The following DCAF7 variants were observed in gnomAD, a reference collection of about 807,000 sequenced individuals.
DCAF7 encodes the protein DDB1- and CUL4-associated factor 7.
A neutral mutation model predicts 41.2 loss-of-function variants in DCAF7; 4 were observed. The observed-to-expected ratio is 0.10, with a 90% confidence interval of 0.05 to 0.22. The LOEUF is 0.22. DCAF7 is among the 10% of genes least tolerant of loss of function. The pLI is 1.00. For missense variants in DCAF7, 131 were observed against 443.2 expected (o/e 0.30, Z 6.32); for synonymous variants, 143 against 164.2 (o/e 0.87, Z 0.99).
chr17:63,582,050 A>AGCT (rs1199256135), intron 4 of DCAF7, among the ~76,000 whole-genome samples: 1 of 152,082 alleles, frequency 6.6e-6, no homozygotes, highest in Non-Finnish European at 1.5e-5. Flanking sequence ...GGTTACCAGG[A>AGCT]GCTGTCATTG....
intron 1 of DCAF7, among the ~76,000 whole-genome samples, chr17:63,576,061 TG>T (rs2033558705): frequency 6.6e-6 from 1 of 152,214 alleles, no homozygotes; most frequent in Non-Finnish European, 1.5e-5. Context: ...CATGGTCAAC[TG>T]ATTTTCAATA....
At chr17:63,571,095 A>G (rs2033502088) in intron 1 of DCAF7, among the ~76,000 whole-genome samples, 1 of 152,076 alleles carries the variant, frequency 6.6e-6, no homozygotes, top group African/African-American at 2.4e-5. Context: ...CTGAGGCAAG[A>G]GAATCACTTG....
At chr17:63,578,195 T>A (rs1314944114) in intron 1 of DCAF7, among the ~76,000 whole-genome samples, 2 of 151,898 alleles carry the variant, frequency 1.3e-5, no homozygotes, top group Non-Finnish European at 2.9e-5. Context: ...AGGCCTTGTC[T>A]CTACAAAAAA....
At chr17:63,585,424 G>A (rs1014416861) in intron 6 of DCAF7, 96 bp downstream of exon 6, 4 of 1,126,758 alleles carry the variant, frequency 3.6e-6, no homozygotes, top group Non-Finnish European at 5.2e-6. Flanking sequence ...TCTAAGCACA[G>A]TCTTGAGAGA....
intron 1 of DCAF7, among the ~76,000 whole-genome samples, chr17:63,572,683 C>G (rs2033519968): frequency 6.6e-6 from 1 of 152,192 alleles, no homozygotes; most frequent in Admixed American, 6.5e-5. Flanking sequence ...TGCCTGACTC[C>G]TAAGAGCTGT....
chr17:63,555,084 C>G (rs982644475), intron 1 of DCAF7, among the ~76,000 whole-genome samples: 1 of 152,214 alleles, frequency 6.6e-6, no homozygotes, highest in Non-Finnish European at 1.5e-5. Flanking sequence ...TTTGGCATTT[C>G]TCCTGTGTTT....
rs2033235442 is a variant in DCAF7 at position 63,550,489 on chromosome 17, C to T, written c.-189C>T. The T allele has an allele frequency of 3.1e-6, 3 of 954,072 alleles. 1 individual carries two copies. Among genetic ancestry groups the T allele is most frequent in the Non-Finnish European group, 4.4e-6 (3 of 676,504 alleles). The allele number at this position is 954,072 out of a possible 1,614,324, so 59.1% of individuals were successfully genotyped here. A position where few individuals can be genotyped will look rare whatever the true frequency, so the allele number is the denominator to read the frequency against. ...ACGGAAGGTGGTTGTCGTCCGTTCCCAAGCTGGTTTGAAACTAGGGGTCGG... is the reference window on the plus strand; with the variant it reads ...ACGGAAGGTGGTTGTCGTCCGTTCCTAAGCTGGTTTGAAACTAGGGGTCGG... On this transcript the variant is annotated 5_prime_UTR_variant, in exon 1 of 7. Transcript: ENST00000614556. This position sits in a 1 kb window ranked among gnomAD's most constrained non-coding sequence, Gnocchi z 4.8.
intron 3 of DCAF7, 132 bp from the exon 4 acceptor site, chr17:63,579,693 T>TA: frequency 6.4e-6 from 5 of 783,778 alleles, no homozygotes; most frequent in Non-Finnish European, 1.0e-5. Context: ...GCTCTGCCGG[T>TA]AGCCCCCACC....
At position 63,590,317 on chromosome 17, in the gene DCAF7, T is replaced by C. The variant is rs1253409482; in HGVS notation, c.*1145T>C. 1 of 152,496 alleles carries C rather than the reference T, an allele frequency of 6.6e-6. No homozygotes were observed. Among genetic ancestry groups the C allele is most frequent in the African/African-American group, 2.4e-5 (1 of 41,314 alleles). The allele number at this position is 152,496 out of a possible 1,614,324, so 9.4% of individuals were successfully genotyped here. ...TTCCAACCCTGAACAAGACCTTACATGAGAGATGGACTGATGGACTGCGGC... is the reference window on the plus strand; with the variant it reads ...TTCCAACCCTGAACAAGACCTTACACGAGAGATGGACTGATGGACTGCGGC... On this transcript the variant is annotated 3_prime_UTR_variant, in exon 7 of 7. Coordinates refer to ENST00000614556, the MANE Select transcript of DCAF7 (RefSeq NM_005828.5).
At chr17:63,586,125 C>CAAAA (rs545840925) in intron 6 of DCAF7, among the ~76,000 whole-genome samples, 5 of 58,438 alleles carry the variant, frequency 8.6e-5, no homozygotes, top group Admixed American at 2.1e-4. Flanking sequence ...ACTCTGTCTC[C>CAAAA]AAAAAAAAAA....
rs1284035990 is a variant in DCAF7 at position 63,592,411 on chromosome 17, T to TAAAAAA, written c.*3250_*3255dup. 9.6e-6 allele frequency: 1 copy of TAAAAAA among 103,654 alleles called. No homozygotes were observed. The highest frequency in any genetic ancestry group is 2.2e-5 in the Non-Finnish European group (1 of 45,836). 6.4% of individuals were successfully genotyped at this position (103,654 alleles called of 1,614,324 possible). A position where few individuals can be genotyped will look rare whatever the true frequency, so the allele number is the denominator to read the frequency against. On this transcript the variant is annotated 3_prime_UTR_variant, in exon 7 of 7. Transcript: ENST00000614556. Reference sequence around the variant, plus strand: ...CAGAGCAAGACTCCGTCTCAAAAAATAAAAAAAAAAAAAAAATAGGTGAAA... The same window carrying TAAAAAA: ...CAGAGCAAGACTCCGTCTCAAAAAATAAAAAAAAAAAAAAAAAAAAAATAGGTGAAA...
At chr17:63,569,783 G>A (rs952701063) in intron 1 of DCAF7, among the ~76,000 whole-genome samples, 13 of 152,246 alleles carry the variant, frequency 8.5e-5, no homozygotes, top group African/African-American at 3.1e-4. Flanking sequence ...TACAATCTTG[G>A]CTCACTGCAA....
Position 63,550,506 on chromosome 17 carries a change from A to AGGGGTC in DCAF7, c.-168_-163dup, listed in dbSNP as rs1267578989. 3 of 1,054,720 alleles carry AGGGGTC rather than the reference A, an allele frequency of 2.8e-6. No individual in the cohort carries two copies. In the East Asian group the frequency reaches 8.1e-5, roughly 29 times the overall value. The allele number at this position is 1,054,720 out of a possible 1,614,324, so 65.3% of individuals were successfully genotyped here. On this transcript the variant is annotated 5_prime_UTR_variant, in exon 1 of 7. Coordinates refer to ENST00000614556, the MANE Select transcript of DCAF7 (RefSeq NM_005828.5). The surrounding 1 kb of genome is among the most constrained non-coding windows in gnomAD (Gnocchi z 4.8). ...TCCGTTCCCAAGCTGGTTTGAAACT[A>AGGGGTC]GGGGTCGGGCTCGGCCGTCGTCGTT...
rs777700902 is a variant in DCAF7 at position 63,578,637 on chromosome 17, A to T, written c.297+9A>T. On this transcript the variant is annotated intron_variant, in intron 2 of 6. Coordinates refer to ENST00000614556, the MANE Select transcript of DCAF7 (RefSeq NM_005828.5). ...ATCTCCGTGTGTGGAGGGTAAGCGG[A>T]TGCTTTATTAGCAGCCAGACAAGTG... The T allele has an allele frequency of 6.2e-7, 1 of 1,613,944 alleles. No homozygotes were observed. The highest frequency in any genetic ancestry group is 1.1e-5 in the South Asian group (1 of 91,080).
intron 1 of DCAF7, among the ~76,000 whole-genome samples, chr17:63,578,005 G>C (rs1305101429): frequency 6.6e-6 from 1 of 152,108 alleles, no homozygotes; most frequent in Non-Finnish European, 1.5e-5. Flanking sequence ...GAGGATGGTT[G>C]GACTAGATAC....
At chr17:63,579,239 C>A in intron 2 of DCAF7, 98 bp from the exon 3 acceptor site, 1 of 780,430 alleles carries the variant, frequency 1.3e-6, no homozygotes, top group Non-Finnish European at 2.1e-6. Flanking sequence ...CCCCTCATGT[C>A]TTATGTTTGC....
intron 1 of DCAF7, among the ~76,000 whole-genome samples, chr17:63,568,883 T>C (rs141755518): frequency 0.014 from 2,166 of 152,364 alleles, 21 homozygotes; most frequent in Non-Finnish European, 0.021. Flanking sequence ...CCATGCACGC[T>C]GCGTCTGTGG....
At chr17:63,578,721 G>A in intron 2 of DCAF7, 93 bp downstream of exon 2, 2 of 1,538,604 alleles carry the variant, frequency 1.3e-6, no homozygotes, top group South Asian at 1.1e-5. Context: ...GGGGTCAGAG[G>A]CAGCGAGTGT....
rs1321374384 is a variant in DCAF7 at position 63,583,495 on chromosome 17, C to A, written c.529-7C>A. The A allele has an allele frequency of 3.1e-6, 5 of 1,612,848 alleles. No homozygotes were observed. In the African/African-American group the frequency reaches 6.7e-5, roughly 22 times the overall value. Reference sequence around the variant, plus strand: ...GAATCTGACTGGAGCTTCTTGTTCACCAACAGGTCTATGATATTGCATTTA... The same window carrying A: ...GAATCTGACTGGAGCTTCTTGTTCAACAACAGGTCTATGATATTGCATTTA... On this transcript the variant is annotated splice_polypyrimidine_tract_variant and splice_region_variant and intron_variant, in intron 4 of 6. Transcript: ENST00000614556.
Sources: gnomAD v4.1 joint callset for allele counts (sites outside exome capture counted in the v4.1 genomes callset) on GRCh38, gnomAD v4.1.1 for gene constraint, Gnocchi (gnomAD v3.1) non-coding constraint, MANE v1.5 for transcripts, NCBI Gene and HGNC (gene_info 2026-07-23, HGNC 2026-07-21) for gene names.